The following HNMT variants were observed in gnomAD, a reference collection of about 807,000 sequenced individuals.
The protein encoded by HNMT is histamine N-methyltransferase.
HNMT carries 30 observed loss-of-function variants against 32.1 expected under a neutral mutation model. The ratio of observed to expected loss-of-function variants is 0.93; its 90% confidence interval spans 0.70 to 1.27. The LOEUF (loss-of-function observed/expected upper bound fraction) is 1.27, where lower values mean the gene tolerates loss of function less well. Ranked by LOEUF, HNMT falls within the 50% of genes most tolerant of loss-of-function variation. HNMT has a pLI of 0.00. For missense variants in HNMT, 327 were observed against 346.0 expected (o/e 0.95, Z 0.43); for synonymous variants, 125 against 119.0 (o/e 1.05, Z -0.33).
intron 5 of HNMT, among the ~76,000 whole-genome samples, chr2:138,010,441 G>GCACACACACACACA (rs56391028): frequency 3.2e-5 from 4 of 125,586 alleles, no homozygotes; most frequent in South Asian, 2.9e-4. Flanking sequence ...AAAGACACAC[G>GCACACACACACACA]CACACACACA....
At chr2:138,010,482 C>CAG (rs779631406) in intron 5 of HNMT, among the ~76,000 whole-genome samples, 1 of 134,354 alleles carries the variant, frequency 7.4e-6, no homozygotes, top group Non-Finnish European at 1.7e-5. Flanking sequence ...CACACACACA[C>CAG]AGCAAATGGA....
At chr2:137,985,618 T>C (rs1680630334) in intron 2 of HNMT, among the ~76,000 whole-genome samples, 2 of 152,204 alleles carry the variant, frequency 1.3e-5, no homozygotes, top group African/African-American at 2.4e-5. Context: ...GTCTACCTAC[T>C]TATCCATATT....
At chr2:138,000,434 T>G (rs892178913) in intron 2 of HNMT, among the ~76,000 whole-genome samples, 1 of 151,430 alleles carries the variant, frequency 6.6e-6, no homozygotes, top group Non-Finnish European at 1.5e-5. Context: ...TTATTTTACC[T>G]GACATATGCT....
At chr2:137,994,579 A>G (rs1680928970) in intron 2 of HNMT, among the ~76,000 whole-genome samples, 1 of 152,176 alleles carries the variant, frequency 6.6e-6, no homozygotes, top group South Asian at 2.1e-4. Flanking sequence ...ATAGTGGGAG[A>G]TTTTAACACC....
intron 2 of HNMT, among the ~76,000 whole-genome samples, chr2:137,990,697 C>T (rs1680792282): frequency 6.6e-6 from 1 of 151,638 alleles, no homozygotes. Context: ...GTATATATAC[C>T]CACACATATT....
At chr2:137,982,799 T>G (rs561189887) in intron 2 of HNMT, among the ~76,000 whole-genome samples, 12 of 152,388 alleles carry the variant, frequency 7.9e-5, no homozygotes, top group African/African-American at 2.9e-4. Context: ...ATAAACTGCC[T>G]AAGTGCTATT....
At chr2:137,976,347 TAGTGGTG>T (rs1309790429) in intron 2 of HNMT, among the ~76,000 whole-genome samples, 193 of 152,018 alleles carry the variant, frequency 1.3e-3, no homozygotes, top group South Asian at 3.5e-3. Context: ...AAAGTCATTC[TAGTGGTG>T]TCAGCACAGG....
chr2:138,001,801 C>T lies in HNMT; in HGVS notation c.299-263C>T, dbSNP rs967002238. ...TGATAAAATTCACCAGTTGATTCTT[C>T]ATTAATACTAAGACAATATAACCTA... On this transcript the variant is annotated intron_variant, in intron 3 of 5. Transcript: ENST00000280097. Among the ~76,000 whole-genome samples the T allele has an allele frequency of 3.3e-5, 5 of 152,196 alleles. No homozygotes were observed. In the South Asian group the frequency reaches 6.2e-4, roughly 19 times the overall value.
chr2:138,000,815 A>T, intron 2 of HNMT, 103 bp from the exon 3 acceptor site: 1 of 582,922 alleles, frequency 1.7e-6, no homozygotes, highest in South Asian at 2.7e-5. Context: ...TATTTATGTT[A>T]GGCTTTCCTA....
At chr2:137,989,452 C>T (rs1680752010) in intron 2 of HNMT, among the ~76,000 whole-genome samples, 1 of 152,148 alleles carries the variant, frequency 6.6e-6, no homozygotes, top group Non-Finnish European at 1.5e-5. Flanking sequence ...TCTGCATGTA[C>T]CACAGATTCT....
chr2:138,010,434 G>GACACACACAC (rs375739175), intron 5 of HNMT, among the ~76,000 whole-genome samples: 3 of 117,658 alleles, frequency 2.5e-5, no homozygotes, highest in East Asian at 4.8e-4. Flanking sequence ...CAATAAAAAA[G>GACACACACAC]ACACACGCAC....
intron 3 of HNMT, 142 bp downstream of exon 3, chr2:138,001,167 C>T: frequency 2.0e-6 from 1 of 502,816 alleles, no homozygotes; most frequent in Non-Finnish European, 3.6e-6. Flanking sequence ...TAGTTCTTGG[C>T]AGGCATGACT....
intron 2 of HNMT, among the ~76,000 whole-genome samples, chr2:137,984,712 A>C (rs1420153010): frequency 1.3e-5 from 2 of 152,244 alleles, no homozygotes; most frequent in African/African-American, 4.8e-5. Flanking sequence ...TATATTAATC[A>C]GTTGTCCTGA....
intron 2 of HNMT, among the ~76,000 whole-genome samples, chr2:137,991,251 G>A (rs373368157): frequency 1.3e-5 from 2 of 152,192 alleles, no homozygotes; most frequent in East Asian, 1.9e-4. Context: ...GTTCTCTTGG[G>A]CCTTTTATGA....
chr2:137,967,630 T>C, intron 1 of HNMT: 1 of 152,336 alleles, frequency 6.6e-6, no homozygotes, highest in East Asian at 1.9e-4. Context: ...CCTTCAGTTA[T>C]GCGGAACTTT....
At chr2:137,979,057 A>G (rs1209408506) in intron 2 of HNMT, among the ~76,000 whole-genome samples, 1 of 144,062 alleles carries the variant, frequency 6.9e-6, no homozygotes, top group Non-Finnish European at 1.5e-5. Flanking sequence ...AAATTGTATA[A>G]TATATAGCAT....
intron 2 of HNMT, 92 bp from the exon 3 acceptor site, chr2:138,000,826 G>A (rs1197366274): frequency 1.6e-6 from 1 of 627,434 alleles, no homozygotes; most frequent in African/African-American, 1.9e-5. Flanking sequence ...GGCTTTCCTA[G>A]TAAAGGTAGG....
At chr2:137,969,972 G>T (rs1680072889) in intron 1 of HNMT, among the ~76,000 whole-genome samples, 193 bp from the exon 2 acceptor site, 1 of 152,100 alleles carries the variant, frequency 6.6e-6, no homozygotes, top group African/African-American at 2.4e-5. Context: ...GTTAAAGATT[G>T]TTAATGAATA....
At chr2:137,967,330 G>C (rs1464332200) in intron 1 of HNMT, 1 of 520,160 alleles carries the variant, frequency 1.9e-6, no homozygotes, top group South Asian at 2.9e-5. Flanking sequence ...TTAAGTCCGA[G>C]AGATCGAGGC....
Sources: allele counts gnomAD v4.1 joint callset (sites outside exome capture counted in the v4.1 genomes callset), GRCh38; gene constraint gnomAD v4.1.1; transcripts MANE v1.5; gene names NCBI Gene and HGNC (gene_info 2026-07-23, HGNC 2026-07-21).